Variants in ZBED6 observed in about 807,000 individuals in gnomAD.
ZBED6 encodes zinc finger BED-type containing 6, also known as zinc finger BED domain-containing protein 6.
Under a neutral mutation model 58.4 loss-of-function variants are expected in ZBED6, and 40 were observed. The observed-to-expected ratio is 0.68, with a 90% CI of 0.53 to 0.89. The LOEUF (loss-of-function observed/expected upper bound fraction) is 0.89. Among genes scored for constraint, ZBED6 ranks in the 40% least tolerant of loss-of-function variants. The pLI is 0.00. For synonymous variants in ZBED6, 439 were observed against 350.6 expected (o/e 1.25, Z -2.82); for missense variants, 1,057 against 1,003.9 (o/e 1.05, Z -0.71).
chr1:203,817,619 T>C (rs1676798607), intron 2 of ZBED6, among the ~76,000 whole-genome samples: 1 of 152,110 alleles, frequency 6.6e-6, no homozygotes, highest in Non-Finnish European at 1.5e-5. Context: ...GCTTAATCTT[T>C]GTCAAAACTT....
chr1:203,820,677 G>A (rs1035538010), intron 3 of ZBED6, among the ~76,000 whole-genome samples: 4 of 151,834 alleles, frequency 2.6e-5, no homozygotes, highest in Non-Finnish European at 5.9e-5. Flanking sequence ...ACGAGGTTTC[G>A]CGATGTTGGC....
intron 3 of ZBED6, among the ~76,000 whole-genome samples, chr1:203,826,798 A>G (rs61559537): frequency 0.13 from 19,218 of 152,200 alleles, 1,595 homozygotes; most frequent in East Asian, 0.29. Flanking sequence ...AGTACTTCTC[A>G]TATCTTTTTT....
exon 17 of ZBED6, chr1:203,853,163 A>G (rs975188849): frequency 1.4e-4 from 21 of 151,850 alleles, no homozygotes; most frequent in African/African-American, 2.4e-4. Flanking sequence ...CTTTTTTAGT[A>G]TGAAAATTGT....
intron 9 of ZBED6, chr1:203,835,920 T>G (rs1375275228): frequency 4.8e-6 from 1 of 209,836 alleles, no homozygotes. Context: ...CATACTTCCT[T>G]TAAGAAGTCC....
intron 12 of ZBED6, among the ~76,000 whole-genome samples, chr1:203,847,930 A>T (rs146345005): frequency 6.6e-6 from 1 of 152,150 alleles, no homozygotes; most frequent in South Asian, 2.1e-4. Flanking sequence ...ACCTTGGCTC[A>T]CTGTAGCCTC....
chr1:203,808,856 G>A (rs1433398389), intron 1 of ZBED6, among the ~76,000 whole-genome samples: 1 of 151,896 alleles, frequency 6.6e-6, no homozygotes, highest in African/African-American at 2.4e-5. Context: ...TTGAGAAGGC[G>A]TTTTTCTGTT....
At chr1:203,826,382 T>C (rs201062771) in intron 3 of ZBED6, among the ~76,000 whole-genome samples, 1 of 131,514 alleles carries the variant, frequency 7.6e-6, no homozygotes, top group South Asian at 2.3e-4. Flanking sequence ...TTAATAATAA[T>C]TAATTCTTTT....
At chr1:203,812,578 ATT>A (rs386369376) in intron 1 of ZBED6, among the ~76,000 whole-genome samples, 2 of 109,306 alleles carry the variant, frequency 1.8e-5, no homozygotes, top group Admixed American at 1.1e-4. Flanking sequence ...GCCATTCTAA[ATT>A]TTTTTTTTTT....
intron 1 of ZBED6, chr1:203,805,926 T>A (rs1382610525): frequency 1.5e-6 from 1 of 661,102 alleles, no homozygotes; most frequent in Non-Finnish European, 2.9e-6. Context: ...CTACCTTCAT[T>A]TCCTTTGCTC....
chr1:203,830,925 A>ACT (rs1682064411), intron 7 of ZBED6, among the ~76,000 whole-genome samples: 1 of 51,352 alleles, frequency 1.9e-5, no homozygotes, highest in Non-Finnish European at 3.7e-5. Flanking sequence ...CCAACCCCCA[A>ACT]TTTTTTTTTT....
At chr1:203,834,044 C>A in intron 9 of ZBED6, 191 bp downstream of exon 9, 1 of 1,254,822 alleles carries the variant, frequency 8.0e-7, no homozygotes, top group East Asian at 3.2e-5. Context: ...TAAAGTGTTA[C>A]AATTGAACTA....
Position 203,817,100 on chromosome 1 carries a change from T to C in ZBED6, c.*2729T>C, listed in dbSNP as rs769812166. ...CTAATCAAGGAGAAGACTGCTATTT[T>C]TTTTTCTATTCCACATGTACCAAAG... is the stretch of plus-strand genomic sequence containing the variant. On this transcript the variant is annotated 3_prime_UTR_variant, in exon 2 of 17. Coordinates refer to ENST00000550078, the Ensembl canonical transcript of ZBED6. The C allele has an allele frequency of 2.3e-5, 37 of 1,610,034 alleles. No individual in the cohort carries two copies. The Admixed American group carries it at 2.7e-4, about 12-fold the overall frequency.
At chr1:203,811,084 TGAG>T in intron 1 of ZBED6, among the ~76,000 whole-genome samples, 1 of 147,308 alleles carries the variant, frequency 6.8e-6, no homozygotes, top group Non-Finnish European at 1.5e-5. Flanking sequence ...GAGGTTGCAA[TGAG>T]CCGAGATTGC....
At chr1:203,844,115 C>T (rs1687233570) in intron 11 of ZBED6, among the ~76,000 whole-genome samples, 1 of 152,130 alleles carries the variant, frequency 6.6e-6, no homozygotes, top group Non-Finnish European at 1.5e-5. Context: ...CTTTGGCCTC[C>T]CAAAGTGCTG....
At position 203,800,262 on chromosome 1, in the gene ZBED6, C is replaced by T. The variant is rs766899441; in HGVS notation, c.2740C>T (p.Gln914Ter). The stretch of plus-strand genomic sequence containing the variant: ...TCTAAGTTGCCCCATGTGTAGTTGG[C>T]AATCTGAATGTATCTTTACTAAAAA... Residue 914 changes from glutamine to a stop codon, truncating the protein, a stop_gained, in exon 1 of 17, where the codon CAA (glutamine) becomes TAA (stop). Coordinates refer to ENST00000550078, the Ensembl canonical transcript of ZBED6. LOFTEE classifies it high-confidence loss of function. The T allele has an allele frequency of 9.3e-7, 1 of 1,070,458 alleles. No homozygotes were observed. Among genetic ancestry groups the T allele is most frequent in the Non-Finnish European group, 1.4e-6 (1 of 721,560 alleles). The allele number at this position is 1,070,458 out of a possible 1,614,324, so 66.3% of individuals were successfully genotyped here. A position where few individuals can be genotyped will look rare whatever the true frequency, so the allele number is the denominator to read the frequency against.
chr1:203,838,679 G>A (rs536853732), intron 10 of ZBED6, among the ~76,000 whole-genome samples: 1 of 152,258 alleles, frequency 6.6e-6, no homozygotes, highest in Admixed American at 6.5e-5. Flanking sequence ...GGCCGGGCAC[G>A]GTAGGTCATG....
intron 1 of ZBED6, among the ~76,000 whole-genome samples, chr1:203,811,098 G>A (rs571748932): frequency 7.4e-5 from 11 of 149,074 alleles, no homozygotes; most frequent in East Asian, 5.9e-4. Flanking sequence ...CCGAGATTGC[G>A]CCACTGCACT....
intron 13 of ZBED6, 60 bp from the exon 14 acceptor site, chr1:203,849,651 A>T: frequency 6.7e-7 from 1 of 1,498,492 alleles, no homozygotes; most frequent in Non-Finnish European, 9.2e-7. Context: ...CCTGGTACTT[A>T]CATCATACAG....
At position 203,822,008 on chromosome 1, in the gene ZBED6, T is replaced by C. The variant is rs180836193; in HGVS notation, c.*2873+3319T>C. On this transcript the variant is annotated intron_variant, in intron 3 of 16. Transcript: ENST00000550078. ...TGCTGACCTCGTGATCCGCCCGCCT[T>C]GGCCTCCCAAAGTCCTGGGATTACA... Among the ~76,000 whole-genome samples, 226 of 152,190 alleles carry C rather than the reference T, an allele frequency of 1.5e-3. 1 individual carries two copies. The highest frequency in any genetic ancestry group is 4.1e-3 in the Admixed American group (62 of 15,286).
Sources: gnomAD v4.1 joint callset for allele counts (sites outside exome capture counted in the v4.1 genomes callset) on GRCh38, gnomAD v4.1.1 for gene constraint, MANE v1.5 for transcripts, NCBI Gene and HGNC (gene_info 2026-07-23, HGNC 2026-07-21) for gene names.